The following MCTP1 variants were observed in gnomAD, a reference collection of about 807,000 sequenced individuals.
MCTP1 encodes multiple C2 and transmembrane domain containing 1, also known as multiple C2 and transmembrane domain-containing protein 1.
MCTP1 carries 69 observed loss-of-function variants against 120.6 expected under a neutral mutation model. The ratio of observed to expected loss-of-function variants is 0.57; its 90% CI spans 0.47 to 0.70. The LOEUF is 0.70. Ranked by LOEUF, MCTP1 falls within the 30% of genes least tolerant of loss-of-function variation. The probability of loss-of-function intolerance (pLI) is 0.00; values close to 1 mark genes in which losing one functional copy is unlikely to be tolerated. For synonymous variants in MCTP1, 529 were observed against 493.1 expected, an observed-to-expected ratio of 1.07 and a Z score of -0.96; for missense variants, 1,203 against 1,248.8, an observed-to-expected ratio of 0.96 and a Z score of 0.55.
chr5:94,954,963 A>G (rs890998838), intron 2 of MCTP1, among the ~76,000 whole-genome samples: 2 of 152,198 alleles, frequency 1.3e-5, no homozygotes, highest in Admixed American at 6.5e-5. Flanking sequence ...ATCAAAGTTG[A>G]TTCCCAGGCA....
intron 1 of MCTP1, among the ~76,000 whole-genome samples, chr5:95,114,049 C>A (rs1757643319): frequency 6.6e-6 from 1 of 152,128 alleles, no homozygotes. Context: ...AGAAGAGAAC[C>A]TACAGGCTTG....
chr5:95,229,899 G>A (rs1463884185), intron 1 of MCTP1, among the ~76,000 whole-genome samples: 4 of 152,110 alleles, frequency 2.6e-5, no homozygotes, highest in Admixed American at 6.5e-5. Context: ...GAGGGGACTG[G>A]AAAAGTGATC....
intron 1 of MCTP1, among the ~76,000 whole-genome samples, chr5:95,163,317 G>A (rs1339120517): frequency 1.3e-5 from 2 of 152,142 alleles, no homozygotes; most frequent in African/African-American, 4.8e-5. Context: ...TTTTGGGTTA[G>A]GTAGATAATG....
At chr5:95,268,791 A>G (rs535503697) in intron 1 of MCTP1, among the ~76,000 whole-genome samples, 13 of 152,334 alleles carry the variant, frequency 8.5e-5, no homozygotes, top group Middle Eastern at 3.4e-3. Flanking sequence ...GAACTTCACC[A>G]GCTTATTGGG....
chr5:95,234,412 T>C (rs891508779), intron 1 of MCTP1, among the ~76,000 whole-genome samples: 4 of 152,160 alleles, frequency 2.6e-5, no homozygotes, highest in African/African-American at 9.7e-5. Flanking sequence ...CTTTCAGGAG[T>C]AGAAGAGTCA....
At chr5:95,177,589 T>C (rs1039331051) in intron 1 of MCTP1, among the ~76,000 whole-genome samples, 6 of 152,228 alleles carry the variant, frequency 3.9e-5, no homozygotes, top group African/African-American at 1.4e-4. Context: ...CATAGCTATA[T>C]GCTTTGCCAT....
intron 1 of MCTP1, among the ~76,000 whole-genome samples, chr5:95,076,250 A>C (rs967522791): frequency 1.3e-5 from 2 of 152,200 alleles, no homozygotes; most frequent in African/African-American, 4.8e-5. Flanking sequence ...TGGGTAACTG[A>C]AACCTTGAAA....
chr5:94,716,323 G>C (rs1269106122), intron 19 of MCTP1, among the ~76,000 whole-genome samples: 1 of 151,844 alleles, frequency 6.6e-6, no homozygotes, highest in Non-Finnish European at 1.5e-5. Flanking sequence ...GTTCCCTACT[G>C]TCTTCAGAAG....
Position 94,943,795 on chromosome 5 carries a change from C to G in MCTP1, c.982-1368G>C, listed in dbSNP as rs537132076. The stretch of plus-strand genomic sequence containing the variant: ...AACCGTTTACGATGGAAAAAAAAAA[C>G]GCTACCAGATGAAATTTAGAGCTGT... On this transcript the variant is annotated intron_variant, in intron 3 of 22. Transcript: ENST00000515393. Among the ~76,000 whole-genome samples the G allele has an allele frequency of 2.6e-5, 4 of 151,132 alleles. No individual in the cohort carries two copies. In the South Asian group the frequency reaches 6.3e-4, roughly 24 times the overall value.
intron 1 of MCTP1, among the ~76,000 whole-genome samples, chr5:95,264,135 G>A (rs1466147963): frequency 2.0e-5 from 3 of 152,176 alleles, no homozygotes; most frequent in Non-Finnish European, 4.4e-5. Context: ...GGCTCTGAAA[G>A]GAGGAAAAGA....
At chr5:95,064,556 G>A (rs1429829077) in intron 1 of MCTP1, among the ~76,000 whole-genome samples, 1 of 152,162 alleles carries the variant, frequency 6.6e-6, no homozygotes, top group African/African-American at 2.4e-5. Flanking sequence ...ATAGTTACAA[G>A]TTATTTGGCT....
intron 1 of MCTP1, among the ~76,000 whole-genome samples, chr5:95,232,415 A>G (rs1356885560): frequency 1.3e-5 from 2 of 151,850 alleles, no homozygotes; most frequent in Non-Finnish European, 2.9e-5. Context: ...TGGGTAAAAT[A>G]AAAGGTCCCA....
intron 1 of MCTP1, among the ~76,000 whole-genome samples, chr5:95,073,939 C>A (rs966553136): frequency 6.6e-6 from 1 of 152,068 alleles, no homozygotes; most frequent in African/African-American, 2.4e-5. Flanking sequence ...AGTGAAACCC[C>A]GTCTCTACTG....
chr5:95,235,156 A>C (rs1169859697), intron 1 of MCTP1, among the ~76,000 whole-genome samples: 2 of 152,028 alleles, frequency 1.3e-5, no homozygotes, highest in Admixed American at 6.5e-5. Flanking sequence ...AGGTTCATTT[A>C]ACATTAATTT....
In MCTP1 at chr5:94,706,652, A is replaced by C. The variant is rs931194431; in HGVS notation, c.*844T>G. On this transcript the variant is annotated 3_prime_UTR_variant, in exon 23 of 23. Transcript: ENST00000515393. ...ATGCACAGATACAATCTGACACCAAAAGCGATATGGATATAGTTTCCTAGT... is the reference window on the plus strand; with the variant it reads ...ATGCACAGATACAATCTGACACCAACAGCGATATGGATATAGTTTCCTAGT... The C allele has an allele frequency of 2.0e-5, 3 of 151,558 alleles. No individual in the cohort carries two copies. The highest frequency in any genetic ancestry group is 7.3e-5 in the African/African-American group (3 of 41,318). 9.4% of individuals were successfully genotyped at this position (151,558 alleles called of 1,614,324 possible).
intron 1 of MCTP1, among the ~76,000 whole-genome samples, chr5:95,212,141 G>T (rs1752459103): frequency 6.6e-6 from 1 of 152,046 alleles, no homozygotes; most frequent in African/African-American, 2.4e-5. Context: ...AAGAATAAAA[G>T]AGAGAAAAAT....
intron 1 of MCTP1, among the ~76,000 whole-genome samples, chr5:95,244,968 T>C (rs536105009): frequency 1.3e-5 from 2 of 152,188 alleles, no homozygotes; most frequent in East Asian, 1.9e-4. Context: ...GGGATGAAGC[T>C]TCCAGAGGAA....
intron 21 of MCTP1, chr5:94,709,667 A>G (rs1561504095): frequency 6.6e-6 from 1 of 152,266 alleles, no homozygotes; most frequent in East Asian, 1.9e-4. Flanking sequence ...AAGCAAGAAC[A>G]TAGTGGAAAT....
intron 1 of MCTP1, among the ~76,000 whole-genome samples, chr5:95,072,740 A>ATTTTTTTTTTTTTTTTTT (rs11421165): frequency 1.0e-5 from 1 of 95,282 alleles, no homozygotes; most frequent in Non-Finnish European, 1.9e-5. Flanking sequence ...CTTAGCAACT[A>ATTTTTTTTTTTTTTTTTT]TTTTTTTTTT....
Sources: allele counts gnomAD v4.1 joint callset (sites outside exome capture counted in the v4.1 genomes callset), GRCh38; gene constraint gnomAD v4.1.1; transcripts MANE v1.5; gene names NCBI Gene and HGNC (gene_info 2026-07-23, HGNC 2026-07-21).